The following MEI1 variants were observed in gnomAD, a reference collection of about 807,000 sequenced individuals.
MEI1 encodes the protein meiosis inhibitor protein 1.
A neutral mutation model predicts 146.2 loss-of-function variants in MEI1; 103 were observed. The ratio of observed to expected loss-of-function variants is 0.70; its 90% confidence interval spans 0.60 to 0.83. The LOEUF is 0.83. Ranked by LOEUF, MEI1 falls within the 40% of genes least tolerant of loss-of-function variation. The probability of loss-of-function intolerance (pLI) is 0.00; values close to 1 mark genes in which losing one functional copy is unlikely to be tolerated. For missense variants in MEI1, 1,529 were observed against 1,533.0 expected (o/e 1.00, Z 0.04); for synonymous variants, 652 against 628.2 (o/e 1.04, Z -0.57).
rs117344749 is a variant in MEI1 at position 41,770,595 on chromosome 22, G to A, written c.2269-91G>A. The A allele has an allele frequency of 2.6e-5, 32 of 1,247,678 alleles. No homozygotes were observed. In the East Asian group the frequency reaches 5.9e-4, roughly 23 times the overall value. 77.3% of individuals were successfully genotyped at this position (1,247,678 alleles called of 1,614,324 possible). ...GGTGTCCTGGAATACTGAGATGACAGTACATTTTTCCTAGTCATCTCTTGG... is the reference window on the plus strand; with the variant it reads ...GGTGTCCTGGAATACTGAGATGACAATACATTTTTCCTAGTCATCTCTTGG... On this transcript the variant is annotated intron_variant, in intron 19 of 30. Transcript: ENST00000401548.
chr22:41,781,554 G>C, intron 23 of MEI1, 131 bp from the exon 24 acceptor site: 1 of 1,226,082 alleles, frequency 8.2e-7, no homozygotes, highest in South Asian at 1.5e-5. Flanking sequence ...TTATGAAGCT[G>C]GGACCCTTAG....
chr22:41,741,658 T>A (rs1183161331), intron 11 of MEI1, among the ~76,000 whole-genome samples: 1 of 152,244 alleles, frequency 6.6e-6, no homozygotes, highest in Non-Finnish European at 1.5e-5. Flanking sequence ...TCCCCAATAC[T>A]TCTATAGACT....
chr22:41,786,986 G>T (rs2076010906), intron 26 of MEI1, among the ~76,000 whole-genome samples: 1 of 152,234 alleles, frequency 6.6e-6, no homozygotes, highest in Non-Finnish European at 1.5e-5. Flanking sequence ...GTTAGCGGTT[G>T]TTGAGTCTTG....
rs2075885338 is a variant in MEI1 at position 41,784,618 on chromosome 22, A to G, written c.3180A>G (p.Leu1060=). ...ATCTCCTGCTTCCAGCTGCCATCTT[A>G]TGCTTCCTGCGGACAGCCCTGCGAC... ...KKAALLSAAI[L]CFLRTALRQS... The change falls in exon 26 of 31, where the codon TTA becomes TTG. Residue 1060 remains leucine (L), a synonymous_variant. Transcript: ENST00000401548. The G allele has an allele frequency of 1.9e-6, 3 of 1,612,288 alleles. No individual in the cohort carries two copies. In the East Asian group the frequency reaches 6.7e-5, roughly 36 times the overall value.
chr22:41,703,566 A>C (rs758058590), intron 2 of MEI1, 112 bp downstream of exon 2: 4 of 955,782 alleles, frequency 4.2e-6, no homozygotes, highest in Non-Finnish European at 5.8e-6. Context: ...GTATTGTAAT[A>C]CTTTATCAGC....
At chr22:41,784,929 A>G (rs1339960182) in intron 26 of MEI1, 146 bp downstream of exon 26, 2 of 285,278 alleles carry the variant, frequency 7.0e-6, no homozygotes, top group African/African-American at 2.4e-5. Flanking sequence ...TTTTTATTTT[A>G]TTTATTTATT....
In MEI1 at chr22:41,766,408, G is replaced by T. The variant is rs566682848; in HGVS notation, c.2268+3087G>T. ...GCTGGTCTCGAACTCCTGACCTTCT[G>T]ATCCACCCGCCTCAGCCTTCCAAAG... On this transcript the variant is annotated intron_variant, in intron 19 of 30. Coordinates refer to ENST00000401548, the MANE Select transcript of MEI1 (RefSeq NM_152513.4). 2.6e-5 allele frequency among the ~76,000 whole-genome samples: 4 copies of T among 151,358 alleles called. No individual in the cohort carries two copies. In the East Asian group the frequency reaches 7.8e-4, roughly 29 times the overall value.
At chr22:41,776,677 C>T (rs375995206) in intron 21 of MEI1, among the ~76,000 whole-genome samples, 38 of 152,140 alleles carry the variant, frequency 2.5e-4, no homozygotes, top group Admixed American at 6.5e-4. Flanking sequence ...TAGTGAGATC[C>T]GGGGGATTAG....
chr22:41,754,708 A>G (rs2073982290), intron 17 of MEI1, among the ~76,000 whole-genome samples: 1 of 152,072 alleles, frequency 6.6e-6, no homozygotes, highest in Non-Finnish European at 1.5e-5. Flanking sequence ...GAGATTACAG[A>G]TGTGAGCTAC....
rs2068852196 is a variant in MEI1 at position 41,703,336 on chromosome 22, G to A, written c.180G>A (p.Val60=). ...ELLPDPGVSL[V]RKKHMLSCFQ... ...TTTTCTTCATTTGCTTCAAGTTAGT[G>A]CGCAAGAAGCACATGTTGTCCTGCT... is the stretch of plus-strand genomic sequence containing the variant. Residue 60 remains valine (V), a synonymous_variant, in exon 2 of 31, where the codon GTG becomes GTA. Transcript: ENST00000401548. 6.2e-7 allele frequency: 1 copy of A among 1,612,364 alleles called. No homozygotes were observed.
At chr22:41,766,264 C>T (rs577467567) in intron 19 of MEI1, among the ~76,000 whole-genome samples, 114 of 151,580 alleles carry the variant, frequency 7.5e-4, no homozygotes, top group South Asian at 1.7e-3. Context: ...ACCTCTGCCT[C>T]GGGTTCAAGC....
chr22:41,715,843 CTG>C (rs1248381926), intron 4 of MEI1, among the ~76,000 whole-genome samples, 196 bp from the exon 5 acceptor site: 1 of 152,118 alleles, frequency 6.6e-6, no homozygotes, highest in African/African-American at 2.4e-5. Context: ...ACTGAGGACT[CTG>C]AGAGGACTCA....
At chr22:41,791,203 C>T (rs865988989) in intron 26 of MEI1, among the ~76,000 whole-genome samples, 6 of 152,214 alleles carry the variant, frequency 3.9e-5, no homozygotes, top group Middle Eastern at 3.4e-3. Context: ...AGCTCTCTCT[C>T]GGGCTGGGTA....
intron 17 of MEI1, among the ~76,000 whole-genome samples, chr22:41,755,514 T>C (rs891349792): frequency 6.6e-6 from 1 of 152,208 alleles, no homozygotes; most frequent in Non-Finnish European, 1.5e-5. Flanking sequence ...ATTTCTGCCA[T>C]GTAGCCTAAG....
Position 41,794,396 on chromosome 22 carries a change from G to A in MEI1, c.3453G>A (p.Trp1151Ter). The A allele has an allele frequency of 1.2e-6, 2 of 1,613,978 alleles. No homozygotes were observed. The highest frequency in any genetic ancestry group is 2.2e-5 in the South Asian group (2 of 91,082). ...DIALHVASQP[W>*]NRFLLFTLLD... ...CTCTCCACGTGGCCTCCCAGCCTTG[G>A]AATCGGTTTTTGCTGTTTACCCTCT... The change falls in exon 28 of 31, where the codon TGG becomes TGA. Residue 1151 changes from tryptophan to a stop codon, truncating the protein, a stop_gained. Coordinates refer to ENST00000401548, the MANE Select transcript of MEI1 (RefSeq NM_152513.4). LOFTEE classifies it high-confidence loss of function.
chr22:41,701,297 G>C (rs548904900), intron 1 of MEI1, among the ~76,000 whole-genome samples: 3 of 151,950 alleles, frequency 2.0e-5, no homozygotes, highest in East Asian at 3.9e-4. Context: ...ATGTCATATA[G>C]TCTCAAAAAC....
chr22:41,797,746 T>G (rs1410149874), intron 30 of MEI1, among the ~76,000 whole-genome samples: 1 of 151,908 alleles, frequency 6.6e-6, no homozygotes, highest in Non-Finnish European at 1.5e-5. Flanking sequence ...CGAAAAAAAA[T>G]CTGAAATACA....
chr22:41,716,329 C>A (rs1456981854), intron 5 of MEI1, among the ~76,000 whole-genome samples, 183 bp downstream of exon 5: 1 of 129,732 alleles, frequency 7.7e-6, no homozygotes, highest in Non-Finnish European at 1.6e-5. Flanking sequence ...TTTTTTGACT[C>A]TATTCTTGGA....
rs1018444831 is a variant in MEI1 at position 41,703,545 on chromosome 22, T to A, written c.298+91T>A. The A allele has an allele frequency of 5.6e-6, 7 of 1,251,402 alleles. No homozygotes were observed. In the Admixed American group the frequency reaches 2.5e-4, roughly 44 times the overall value. The allele number at this position is 1,251,402 out of a possible 1,614,324, so 77.5% of individuals were successfully genotyped here. A position where few individuals can be genotyped will look rare whatever the true frequency, so the allele number is the denominator to read the frequency against. The stretch of plus-strand genomic sequence containing the variant: ...TCTTGGAAAAATGATCTTAGATGAT[T>A]TAGGTTTTTTGTATTGTAATACTTT... On this transcript the variant is annotated intron_variant, in intron 2 of 30. Coordinates refer to ENST00000401548, the MANE Select transcript of MEI1 (RefSeq NM_152513.4).
Sources: allele counts gnomAD v4.1 joint callset (sites outside exome capture counted in the v4.1 genomes callset), GRCh38; gene constraint gnomAD v4.1.1; transcripts MANE v1.5; gene names NCBI Gene and HGNC (gene_info 2026-07-23, HGNC 2026-07-21).